KCNMA1: variants seen among roughly 807,000 people sequenced by gnomAD.
KCNMA1 encodes the protein Calcium-activated potassium channel subunit alpha-1.
In KCNMA1, 29 loss-of-function variants were observed where a neutral mutation model predicts 140.0. The ratio of observed to expected loss-of-function variants is 0.21; its 90% CI spans 0.15 to 0.28. The LOEUF is 0.28. Among genes scored for constraint, KCNMA1 ranks in the 10% least tolerant of loss-of-function variants. The pLI, the probability that KCNMA1 is intolerant of heterozygous loss-of-function variation, is 1.00. For synonymous variants in KCNMA1, 612 were observed against 611.9 expected, an observed-to-expected ratio of 1.00 and a Z score of 0.00; for missense variants, 880 against 1,602.2, an observed-to-expected ratio of 0.55 and a Z score of 7.70.
In KCNMA1 at chr10:77,027,898, T is replaced by C. The variant is rs766701400; in HGVS notation, c.1860-7A>G. The C allele has an allele frequency of 1.9e-6, 3 of 1,612,464 alleles. No homozygotes were observed. Among genetic ancestry groups the C allele is most frequent in the Non-Finnish European group, 2.5e-6 (3 of 1,178,894 alleles). On this transcript the variant is annotated splice_region_variant and splice_polypyrimidine_tract_variant and intron_variant, in intron 15 of 27. Transcript: ENST00000286628. ...GAGCTTCACAAAACACAGCCTGCAA[T>C]GAGATGGAGAAGCCTCCCAATCAGT...
chr10:76,913,498 C>G (rs1327034821), intron 24 of KCNMA1: 1 of 151,906 alleles, frequency 6.6e-6, no homozygotes, highest in Non-Finnish European at 1.5e-5. Flanking sequence ...TCCTAGGGAC[C>G]AGGTGTTTTT....
chr10:77,570,768 G>A (rs1210994066), intron 1 of KCNMA1, among the ~76,000 whole-genome samples: 8 of 145,440 alleles, frequency 5.5e-5, no homozygotes, highest in African/African-American at 2.0e-4. Context: ...ACTTTTGAAT[G>A]GGAAAAAAAA....
chr10:76,950,550 A>G (rs61867157), intron 21 of KCNMA1, among the ~76,000 whole-genome samples: 78,490 of 152,074 alleles, frequency 0.52, 20,564 homozygotes, highest in East Asian at 0.74. Context: ...TTCTGGTTCA[A>G]TGCCTCCCAT....
At chr10:77,030,939 T>C (rs576634497) in intron 15 of KCNMA1, among the ~76,000 whole-genome samples, 61 of 152,340 alleles carry the variant, frequency 4.0e-4, no homozygotes, top group Non-Finnish European at 8.5e-4. Context: ...GATAGAATGA[T>C]GTGAACAGAG....
intron 5 of KCNMA1, among the ~76,000 whole-genome samples, chr10:77,161,739 C>G (rs1316031762): frequency 1.3e-5 from 2 of 152,188 alleles, no homozygotes; most frequent in African/African-American, 4.8e-5. Context: ...AAGTGCTCTG[C>G]ATACATTTAA....
intron 8 of KCNMA1, among the ~76,000 whole-genome samples, chr10:77,109,069 A>C (rs758184041): frequency 1.1e-4 from 16 of 152,026 alleles, no homozygotes; most frequent in Admixed American, 8.5e-4. Flanking sequence ...AAAAAAAAAA[A>C]AACACTGAAA....
chr10:76,873,297 A>T (rs993377423), downstream of KCNMA1: 1 of 152,210 alleles, frequency 6.6e-6, no homozygotes, highest in East Asian at 1.9e-4. Flanking sequence ...CACTTAAACA[A>T]CCAATATGAC....
chr10:77,307,577 C>T (rs1235269922), intron 2 of KCNMA1, among the ~76,000 whole-genome samples: 3 of 152,132 alleles, frequency 2.0e-5, no homozygotes, highest in Non-Finnish European at 2.9e-5. Context: ...GATGGAGTCT[C>T]GTTCCGTCAC....
At chr10:77,126,902 G>A (rs2097754758) in intron 5 of KCNMA1, among the ~76,000 whole-genome samples, 1 of 152,074 alleles carries the variant, frequency 6.6e-6, no homozygotes, top group Non-Finnish European at 1.5e-5. Context: ...ATCCTACCCT[G>A]GTGATCTGCA....
intron 25 of KCNMA1, among the ~76,000 whole-genome samples, chr10:76,897,697 G>A (rs1024504113): frequency 1.3e-5 from 2 of 151,918 alleles, no homozygotes; most frequent in African/African-American, 4.8e-5. Context: ...AAACAGAATT[G>A]TAAAAGATTA....
chr10:77,223,858 G>A (rs964825679), intron 3 of KCNMA1, among the ~76,000 whole-genome samples: 3 of 152,158 alleles, frequency 2.0e-5, no homozygotes, highest in Admixed American at 2.0e-4. Context: ...AGCCCAATGA[G>A]TCAGAGATCT....
At chr10:77,636,070 A>T in intron 1 of KCNMA1, 1 of 411,018 alleles carries the variant, frequency 2.4e-6, no homozygotes, top group Non-Finnish European at 3.8e-6. Context: ...AAAGATGTGA[A>T]CATGTGGAGG....
rs181223636 is a variant in KCNMA1 at position 77,037,718 on chromosome 10, G to A, written c.1859+1810C>T. 9.2e-5 allele frequency among the ~76,000 whole-genome samples: 14 copies of A among 152,276 alleles called. No individual in the cohort carries two copies. The East Asian group carries it at 9.7e-4, about 11-fold the overall frequency. On this transcript the variant is annotated intron_variant, in intron 15 of 27. Coordinates refer to ENST00000286628, the MANE Select transcript of KCNMA1 (RefSeq NM_001161352.2). ...TCACCAACATAAGACTCCCGCAGGC[G>A]CTGGCAGCTCTGCTATGTGCTCAGA...
At chr10:77,037,016 G>A (rs1028710563) in intron 15 of KCNMA1, among the ~76,000 whole-genome samples, 1 of 152,192 alleles carries the variant, frequency 6.6e-6, no homozygotes, top group Non-Finnish European at 1.5e-5. Flanking sequence ...CACATCAGAA[G>A]TGGAATATAT....
chr10:77,089,872 T>C (rs563418727), intron 10 of KCNMA1, among the ~76,000 whole-genome samples: 2 of 152,280 alleles, frequency 1.3e-5, no homozygotes, highest in East Asian at 1.9e-4. Flanking sequence ...TTACTCTGTT[T>C]GTGGAGTAAA....
intron 3 of KCNMA1, among the ~76,000 whole-genome samples, chr10:77,221,947 A>G (rs1313433989): frequency 6.6e-6 from 1 of 152,248 alleles, no homozygotes; most frequent in Non-Finnish European, 1.5e-5. Flanking sequence ...TACGAGCTGC[A>G]TGAATTTAGA....
chr10:77,244,823 G>A (rs1008834409), intron 3 of KCNMA1, among the ~76,000 whole-genome samples: 5 of 152,060 alleles, frequency 3.3e-5, no homozygotes, highest in Non-Finnish European at 5.9e-5. Flanking sequence ...ACTTCCCATT[G>A]GAGTTATTTA....
At chr10:77,206,940 A>G (rs998825989) in intron 3 of KCNMA1, among the ~76,000 whole-genome samples, 3 of 152,004 alleles carry the variant, frequency 2.0e-5, no homozygotes, top group South Asian at 2.1e-4. Context: ...CTCACTTCCT[A>G]TGTCTATATG....
intron 3 of KCNMA1, among the ~76,000 whole-genome samples, chr10:77,212,756 C>T (rs1324069273): frequency 6.6e-6 from 1 of 152,082 alleles, no homozygotes; most frequent in Non-Finnish European, 1.5e-5. Context: ...GAAATGAGAG[C>T]AATCTCTGCT....
Sources: gnomAD v4.1 joint callset for allele counts (sites outside exome capture counted in the v4.1 genomes callset) on GRCh38, gnomAD v4.1.1 for gene constraint, MANE v1.5 for transcripts, NCBI Gene and HGNC (gene_info 2026-07-23, HGNC 2026-07-21) for gene names.